Variants in NFIX observed in about 807,000 individuals in gnomAD.
NFIX encodes nuclear factor 1 X-type.
Under a neutral mutation model 53.3 loss-of-function variants are expected in NFIX, and 2 were observed. The ratio of observed to expected loss-of-function variants is 0.04; its 90% CI spans 0.02 to 0.12. The LOEUF is 0.12. Among genes scored for constraint, NFIX ranks in the 10% least tolerant of loss-of-function variants. NFIX has a pLI of 1.00. For missense variants in NFIX, 310 were observed against 674.5 expected, an observed-to-expected ratio of 0.46 and a Z score of 5.99; for synonymous variants, 244 against 289.0, an observed-to-expected ratio of 0.84 and a Z score of 1.58.
chr19:13,057,814 C>T (rs1283627718), intron 2 of NFIX, among the ~76,000 whole-genome samples: 1 of 152,120 alleles, frequency 6.6e-6, no homozygotes, highest in African/African-American at 2.4e-5. Context: ...GGCAGCCCCT[C>T]CCTTCCTCCC....
In NFIX at chr19:13,049,467, A is replaced by G. The variant is rs2015191037; in HGVS notation, c.560-23580A>G. Among the ~76,000 whole-genome samples, 1 of 151,838 alleles carries G rather than the reference A, an allele frequency of 6.6e-6. No homozygotes were observed. Among genetic ancestry groups the G allele is most frequent in the Non-Finnish European group, 1.5e-5 (1 of 67,996 alleles). On this transcript the variant is annotated intron_variant, in intron 2 of 10. Transcript: ENST00000592199. This position sits in a 1 kb window ranked among gnomAD's most constrained non-coding sequence, Gnocchi z 4.5. ...CCGCTAATCTGCTTTGTTTCTATGGATTTGCCTAGTTGTGGATGTTTCATA... is the reference window on the plus strand; with the variant it reads ...CCGCTAATCTGCTTTGTTTCTATGGGTTTGCCTAGTTGTGGATGTTTCATA...
Position 13,025,253 on chromosome 19 carries a change from T to A in NFIX, c.260T>A (p.Phe87Tyr), listed in dbSNP as rs2013240955. The A allele has an allele frequency of 4.3e-6, 7 of 1,614,096 alleles. No homozygotes were observed. Among genetic ancestry groups the A allele is most frequent in the Non-Finnish European group, 5.9e-6 (7 of 1,179,954 alleles). Reference sequence around the variant, plus strand: ...CTGCGCAAGGACATCCGGCCCGAGTTCCGCGAGGACTTCGTGCTGACCATC... The same window carrying A: ...CTGCGCAAGGACATCCGGCCCGAGTACCGCGAGGACTTCGTGCTGACCATC... ...AKLRKDIRPE[F>Y]REDFVLTITG... Residue 87 changes from phenylalanine to tyrosine, a missense_variant, in exon 2 of 11, where the codon TTC becomes TAC. Physicochemically the swap from Phe to Tyr is conservative, Grantham distance 22. Transcript: ENST00000592199. This position sits in a 1 kb window ranked among gnomAD's most constrained non-coding sequence, Gnocchi z 7.5.
At position 13,081,253 on chromosome 19, in the gene NFIX, G is replaced by A. The variant is rs1325986805; in HGVS notation, c.1079-427G>A. Among the ~76,000 whole-genome samples the A allele has an allele frequency of 2.0e-5, 3 of 152,010 alleles. No homozygotes were observed. The highest frequency in any genetic ancestry group is 4.4e-5 in the Non-Finnish European group (3 of 68,016). On this transcript the variant is annotated intron_variant, in intron 7 of 10. Transcript: ENST00000592199. The surrounding 1 kb of genome is among the most constrained non-coding windows in gnomAD (Gnocchi z 4.7). ...CCAGGAGGATTGCTTGCCGTGATCC[G>A]TGTTTGTGCCACTGCACTCCAGTCT...
At chr19:13,018,252 T>C (rs1247296043) in intron 1 of NFIX, among the ~76,000 whole-genome samples, 1 of 146,432 alleles carries the variant, frequency 6.8e-6, no homozygotes, top group East Asian at 2.0e-4. Context: ...CAGAGGAGCA[T>C]TTGGAGCCAG....
At chr19:13,004,984 T>G (rs1402067888) in intron 1 of NFIX, among the ~76,000 whole-genome samples, 1 of 152,074 alleles carries the variant, frequency 6.6e-6, no homozygotes, top group Non-Finnish European at 1.5e-5. Context: ...ACCTGGCTAA[T>G]TTTTGTATTT....
At chr19:13,058,296 A>G (rs1307851101) in intron 2 of NFIX, among the ~76,000 whole-genome samples, 1 of 152,070 alleles carries the variant, frequency 6.6e-6, no homozygotes, top group Admixed American at 6.5e-5. Flanking sequence ...AATTATGTAG[A>G]GCACAGGCTT....
intron 5 of NFIX, among the ~76,000 whole-genome samples, chr19:13,075,300 TC>T (rs1419058409): frequency 6.6e-6 from 1 of 152,016 alleles, no homozygotes; most frequent in Non-Finnish European, 1.5e-5. Flanking sequence ...GACCGTGGCA[TC>T]ACAGATTGGG....
chr19:13,024,113 C>CAAAAAAAAAAAAAAAAAAACA, intron 1 of NFIX: 3 of 412,066 alleles, frequency 7.3e-6, no homozygotes, highest in South Asian at 5.4e-5. Flanking sequence ...AGCAAACAAC[C>CAAAAAAAAAAAAAAAAAAACA]AAAAAAAAAA....
At chr19:13,026,375 CA>C (rs1054077971) in intron 2 of NFIX, among the ~76,000 whole-genome samples, 2 of 146,216 alleles carry the variant, frequency 1.4e-5, no homozygotes, top group Non-Finnish European at 3.0e-5. Flanking sequence ...AGCAAACAAA[CA>C]AACCAAAAAA....
chr19:13,037,879 A>G lies in NFIX; in HGVS notation c.559+12327A>G, dbSNP rs2014322118. ...ATATGACAGTCCCCCAGGAACAAAG[A>G]ATCATCTCGCCCCCAAACGTCACAA... On this transcript the variant is annotated intron_variant, in intron 2 of 10. Transcript: ENST00000592199. The surrounding 1 kb of genome is among the most constrained non-coding windows in gnomAD (Gnocchi z 4.2). Among the ~76,000 whole-genome samples, 1 of 152,146 alleles carries G rather than the reference A, an allele frequency of 6.6e-6. No homozygotes were observed. Among genetic ancestry groups the G allele is most frequent in the South Asian group, 2.1e-4 (1 of 4,822 alleles).
At chr19:13,023,508 C>T (rs534747799) in intron 1 of NFIX, among the ~76,000 whole-genome samples, 14 of 152,130 alleles carry the variant, frequency 9.2e-5, no homozygotes, top group South Asian at 2.1e-4. Context: ...CTTCAGCTGC[C>T]GCTTTTTCCC....
chr19:13,073,118 C>T lies in NFIX; in HGVS notation c.622+9C>T. On this transcript the variant is annotated intron_variant, in intron 3 of 10. Coordinates refer to ENST00000592199, the MANE Select transcript of NFIX (RefSeq NM_001365902.3). This position sits in a 1 kb window ranked among gnomAD's most constrained non-coding sequence, Gnocchi z 4.5. Reference sequence around the variant, plus strand: ...CAAACCACTGCCCAACGGTCAGTGCCCCCCACCTGCCCAGCTGCCCTTATC... The same window carrying T: ...CAAACCACTGCCCAACGGTCAGTGCTCCCCACCTGCCCAGCTGCCCTTATC... The T allele has an allele frequency of 6.2e-7, 1 of 1,613,504 alleles. No individual in the cohort carries two copies. The highest frequency in any genetic ancestry group is 8.5e-7 in the Non-Finnish European group (1 of 1,179,420).
At position 13,001,322 on chromosome 19, in the gene NFIX, C is replaced by T. The variant is rs1343367386; in HGVS notation, c.27+5458C>T. Among the ~76,000 whole-genome samples the T allele has an allele frequency of 2.6e-5, 4 of 152,188 alleles. No individual in the cohort carries two copies. In the South Asian group the frequency reaches 6.2e-4, roughly 24 times the overall value. On this transcript the variant is annotated intron_variant, in intron 1 of 10. Coordinates refer to ENST00000592199, the MANE Select transcript of NFIX (RefSeq NM_001365902.3). This position sits in a 1 kb window ranked among gnomAD's most constrained non-coding sequence, Gnocchi z 6.5. ...CTCCATGCCTCTCCATGTCTCCCAGCGTCCATCACTGGGTGCTACCTGCAT... is the reference window on the plus strand; with the variant it reads ...CTCCATGCCTCTCCATGTCTCCCAGTGTCCATCACTGGGTGCTACCTGCAT...
intron 2 of NFIX, among the ~76,000 whole-genome samples, chr19:13,034,545 C>T (rs559994343): frequency 5.4e-4 from 83 of 152,342 alleles, no homozygotes; most frequent in African/African-American, 1.9e-3. Context: ...AGGTGTGAGG[C>T]CAGGCAGGTT....
At chr19:13,000,674 T>C (rs1306211311) in intron 1 of NFIX, among the ~76,000 whole-genome samples, 1 of 152,110 alleles carries the variant, frequency 6.6e-6, no homozygotes, top group African/African-American at 2.4e-5. Context: ...TCCAAATGTA[T>C]GTGGGACAAA....
intron 7 of NFIX, among the ~76,000 whole-genome samples, chr19:13,079,363 A>G (rs1345485606): frequency 1.3e-5 from 2 of 152,230 alleles, no homozygotes; most frequent in Admixed American, 1.3e-4. Flanking sequence ...TCAGTGTCCC[A>G]GTTGAGAAGG....
Position 12,996,775 on chromosome 19 carries a change from AACAGCGCCG to A in NFIX, c.27+914_27+922del, listed in dbSNP as rs1266088768. ...ACACCGTCGGGTCAGCCTCGGGCACAACAGCGCCGACCTTGGCGCGTTGCTAGAGCGCGT... is the reference window on the plus strand; with the variant it reads ...ACACCGTCGGGTCAGCCTCGGGCACAACCTTGGCGCGTTGCTAGAGCGCGT... On this transcript the variant is annotated intron_variant, in intron 1 of 10. Coordinates refer to ENST00000592199, the MANE Select transcript of NFIX (RefSeq NM_001365902.3). The surrounding 1 kb of genome is among the most constrained non-coding windows in gnomAD (Gnocchi z 5.2). Among the ~76,000 whole-genome samples, 1 of 152,250 alleles carries A rather than the reference AACAGCGCCG, an allele frequency of 6.6e-6. No homozygotes were observed.
rs376885081 is a variant in NFIX, at chr19:13,025,302, C to T, written c.309C>T (p.Cys103=). 3.7e-6 allele frequency: 6 copies of T among 1,613,968 alleles called. No individual in the cohort carries two copies. Among genetic ancestry groups the T allele is most frequent in the African/African-American group, 1.3e-5 (1 of 74,942 alleles). ...TCACGGGCAAGAAGCCCCCCTGCTGCGTGCTCTCCAACCCCGACCAGAAGG... is the reference window on the plus strand; with the variant it reads ...TCACGGGCAAGAAGCCCCCCTGCTGTGTGCTCTCCAACCCCGACCAGAAGG... The part of the protein sequence containing the change: ...LTITGKKPPC[C]VLSNPDQKGK... The change falls in exon 2 of 11, where the codon TGC becomes TGT. Residue 103 remains cysteine (C), a synonymous_variant. Transcript: ENST00000592199. The surrounding 1 kb of genome is among the most constrained non-coding windows in gnomAD (Gnocchi z 7.5).
chr19:13,067,964 TCCTGGTGACAGGTG>T lies in NFIX; in HGVS notation c.560-5078_560-5065del, dbSNP rs769737388. On this transcript the variant is annotated intron_variant, in intron 2 of 10. Transcript: ENST00000592199. The surrounding 1 kb of genome is among the most constrained non-coding windows in gnomAD (Gnocchi z 4.2). ...TCTAAAAATACAAAAAATTAGCTGG[TCCTGGTGACAGGTG>T]CCTGTAGTTCCCAGTACTCGGGAGG... Among the ~76,000 whole-genome samples, 6 of 151,778 alleles carry T rather than the reference TCCTGGTGACAGGTG, an allele frequency of 4.0e-5. No individual in the cohort carries two copies. The highest frequency in any genetic ancestry group is 8.8e-5 in the Non-Finnish European group (6 of 67,958).
Sources: gnomAD v4.1 joint callset for allele counts (sites outside exome capture counted in the v4.1 genomes callset) on GRCh38, gnomAD v4.1.1 for gene constraint, Gnocchi (gnomAD v3.1) non-coding constraint, MANE v1.5 for transcripts, NCBI Gene and HGNC (gene_info 2026-07-23, HGNC 2026-07-21) for gene names.